Variants in CSMD3 observed in about 807,000 individuals in gnomAD.
The protein encoded by CSMD3 is CUB and Sushi multiple domains 3, also known as CUB and sushi domain-containing protein 3.
Under a neutral mutation model 435.2 loss-of-function variants are expected in CSMD3, and 177 were observed. The ratio of observed to expected loss-of-function variants is 0.41; its 90% CI spans 0.36 to 0.46. The LOEUF (loss-of-function observed/expected upper bound fraction) is 0.46. CSMD3 is among the 20% of genes least tolerant of loss of function. The pLI is 0.34. For missense variants in CSMD3, 4,265 were observed against 4,504.6 expected (o/e 0.95, Z 1.52); for synonymous variants, 1,656 against 1,520.5 (o/e 1.09, Z -2.07).
intron 12 of CSMD3, among the ~76,000 whole-genome samples, chr8:112,819,686 C>T (rs2079474908): frequency 6.6e-6 from 1 of 152,124 alleles, no homozygotes; most frequent in African/African-American, 2.4e-5. Context: ...GAAACACATT[C>T]TCTGATTTTG....
intron 3 of CSMD3, among the ~76,000 whole-genome samples, chr8:113,258,601 T>A (rs2093402745): frequency 6.6e-6 from 1 of 152,178 alleles, no homozygotes; most frequent in Non-Finnish European, 1.5e-5. Flanking sequence ...GGTACACATA[T>A]ATTATTGCTA....
intron 31 of CSMD3, among the ~76,000 whole-genome samples, chr8:112,489,644 T>A (rs1178259951): frequency 6.6e-6 from 1 of 152,198 alleles, no homozygotes; most frequent in African/African-American, 2.4e-5. Flanking sequence ...ATCTTATGAT[T>A]AGATATACTA....
At chr8:113,412,446 G>C (rs575384787) in intron 1 of CSMD3, among the ~76,000 whole-genome samples, 3 of 152,174 alleles carry the variant, frequency 2.0e-5, no homozygotes, top group South Asian at 2.1e-4. Flanking sequence ...CGTAGGCAAG[G>C]CTGCTTTTAT....
At chr8:113,223,811 T>A (rs905944191) in intron 3 of CSMD3, among the ~76,000 whole-genome samples, 3 of 149,728 alleles carry the variant, frequency 2.0e-5, no homozygotes, top group African/African-American at 7.3e-5. Context: ...ATCTGTGTGT[T>A]GTATATAAGG....
intron 3 of CSMD3, among the ~76,000 whole-genome samples, chr8:113,181,472 T>C (rs1285292518): frequency 2.0e-5 from 3 of 152,062 alleles, no homozygotes. Flanking sequence ...TTGCACCATA[T>C]ACAAGGACAA....
intron 13 of CSMD3, among the ~76,000 whole-genome samples, chr8:112,694,603 G>A (rs1169963603): frequency 6.6e-6 from 1 of 151,910 alleles, no homozygotes; most frequent in African/African-American, 2.4e-5. Context: ...ACATAGACTG[G>A]AAACAATACA....
chr8:112,925,162 T>C (rs1397758292), intron 9 of CSMD3, among the ~76,000 whole-genome samples: 4 of 152,168 alleles, frequency 2.6e-5, no homozygotes, highest in Admixed American at 2.6e-4. Context: ...AGTAATTTAC[T>C]TTTTCTCATA....
intron 5 of CSMD3, among the ~76,000 whole-genome samples, chr8:113,060,317 T>C (rs1006812620): frequency 1.3e-5 from 2 of 148,208 alleles, no homozygotes; most frequent in African/African-American, 5.0e-5. Flanking sequence ...CTACAAAGGA[T>C]ATGAACTCAT....
chr8:112,251,401 T>C (rs1815249274), intron 63 of CSMD3, among the ~76,000 whole-genome samples: 1 of 151,750 alleles, frequency 6.6e-6, no homozygotes, highest in Admixed American at 6.6e-5. Context: ...GCAAGTAATT[T>C]ATGCTGACTG....
chr8:112,769,349 T>C (rs1024467499), intron 13 of CSMD3, among the ~76,000 whole-genome samples: 1 of 151,996 alleles, frequency 6.6e-6, no homozygotes, highest in African/African-American at 2.4e-5. Context: ...GCTCCTATCT[T>C]TGCTACTAAC....
At chr8:112,973,161 C>G (rs907260654) in intron 7 of CSMD3, among the ~76,000 whole-genome samples, 2 of 151,916 alleles carry the variant, frequency 1.3e-5, no homozygotes, top group East Asian at 3.9e-4. Context: ...TTCTTAAGAG[C>G]ATTGATTAAT....
At chr8:112,231,344 T>C (rs1342593751) in intron 69 of CSMD3, among the ~76,000 whole-genome samples, 1 of 152,224 alleles carries the variant, frequency 6.6e-6, no homozygotes, top group South Asian at 2.1e-4. Flanking sequence ...ATCTAAACAC[T>C]GTACAGAGTT....
chr8:112,992,838 T>C (rs562527521), intron 6 of CSMD3, among the ~76,000 whole-genome samples: 225 of 151,612 alleles, frequency 1.5e-3, no homozygotes, highest in Non-Finnish European at 2.7e-3. Flanking sequence ...TGTGTGTTTT[T>C]GTGTAGGGAG....
At chr8:112,504,069 T>A in intron 29 of CSMD3, 92 bp from the exon 30 acceptor site, 1 of 760,598 alleles carries the variant, frequency 1.3e-6, no homozygotes, top group Non-Finnish European at 2.1e-6. Context: ...AATCAAACAT[T>A]AATTCAGTGC....
intron 5 of CSMD3, among the ~76,000 whole-genome samples, chr8:113,074,053 G>C (rs1248518934): frequency 6.6e-6 from 1 of 151,518 alleles, no homozygotes; most frequent in African/African-American, 2.4e-5. Flanking sequence ...TATTATCCTT[G>C]TTTTTGACAG....
At chr8:112,322,985 T>G (rs1326243437) in intron 45 of CSMD3, among the ~76,000 whole-genome samples, 2 of 152,070 alleles carry the variant, frequency 1.3e-5, no homozygotes, top group African/African-American at 2.4e-5. Context: ...CAGTCTTCCC[T>G]AAGATGACTC....
intron 1 of CSMD3, among the ~76,000 whole-genome samples, chr8:113,343,482 T>A (rs926786117): frequency 6.6e-6 from 1 of 152,168 alleles, no homozygotes; most frequent in East Asian, 1.9e-4. Context: ...AAGGGACTTG[T>A]AGTCCAGTGT....
chr8:112,449,520 T>C (rs116927446), intron 32 of CSMD3, among the ~76,000 whole-genome samples: 1 of 152,288 alleles, frequency 6.6e-6, no homozygotes, highest in Non-Finnish European at 1.5e-5. Flanking sequence ...CCGAGTGCTA[T>C]GGTTTTATCT....
chr8:113,238,389 G>A (rs938553170), intron 3 of CSMD3, among the ~76,000 whole-genome samples: 3 of 152,114 alleles, frequency 2.0e-5, no homozygotes, highest in African/African-American at 7.2e-5. Context: ...AAATTATATT[G>A]GGGTTAGACC....
Sources: allele counts gnomAD v4.1 joint callset (sites outside exome capture counted in the v4.1 genomes callset), GRCh38; gene constraint gnomAD v4.1.1; transcripts MANE v1.5; gene names NCBI Gene and HGNC (gene_info 2026-07-23, HGNC 2026-07-21).